Variants in CNTNAP2 observed in about 807,000 individuals in gnomAD.
CNTNAP2 encodes the protein contactin associated protein 2.
CNTNAP2 carries 98 observed loss-of-function variants against 155.2 expected under a neutral mutation model. The ratio of observed to expected loss-of-function variants is 0.63; its 90% CI spans 0.54 to 0.75. The LOEUF is 0.75. Among genes scored for constraint, CNTNAP2 ranks in the 30% least tolerant of loss-of-function variants. CNTNAP2 has a pLI of 0.00. For synonymous variants in CNTNAP2, 651 were observed against 631.2 expected, an observed-to-expected ratio of 1.03 and a Z score of -0.47; for missense variants, 1,727 against 1,688.1, an observed-to-expected ratio of 1.02 and a Z score of -0.40.
chr7:146,163,571 ATCTATCTATC>A (rs1277858347), intron 1 of CNTNAP2, among the ~76,000 whole-genome samples: 1 of 98,968 alleles, frequency 1.0e-5, no homozygotes, highest in African/African-American at 4.3e-5. Flanking sequence ...ATCTATCTAT[ATCTATCTATC>A]TATCTATATA....
chr7:146,405,277 C>T (rs1795774562), intron 1 of CNTNAP2, among the ~76,000 whole-genome samples: 1 of 152,108 alleles, frequency 6.6e-6, no homozygotes, highest in South Asian at 2.1e-4. Flanking sequence ...TGACTTGGGT[C>T]TCTCTCACTG....
intron 3 of CNTNAP2, among the ~76,000 whole-genome samples, chr7:147,041,373 A>T (rs368686376): frequency 9.9e-5 from 15 of 152,166 alleles, no homozygotes; most frequent in African/African-American, 3.1e-4. Flanking sequence ...GGAAAGGAAA[A>T]GTATTTTTTT....
intron 10 of CNTNAP2, among the ~76,000 whole-genome samples, chr7:147,441,847 CTCT>C (rs1797644275): frequency 2.1e-5 from 3 of 141,838 alleles, no homozygotes; most frequent in South Asian, 2.3e-4. Flanking sequence ...CTCTCTCTCT[CTCT>C]CCCTCCCTCC....
intron 11 of CNTNAP2, among the ~76,000 whole-genome samples, chr7:147,495,654 G>A (rs745506802): frequency 6.6e-6 from 1 of 152,236 alleles, no homozygotes. Context: ...GCAGGGTGCA[G>A]ATTTGAATCA....
chr7:146,277,944 A>C (rs1027700965), intron 1 of CNTNAP2, among the ~76,000 whole-genome samples: 2 of 152,164 alleles, frequency 1.3e-5, no homozygotes, highest in African/African-American at 2.4e-5. Flanking sequence ...AAATAAAAAG[A>C]AAACTGAAAG....
intron 21 of CNTNAP2, among the ~76,000 whole-genome samples, chr7:148,277,281 T>TG (rs1441416782): frequency 3.3e-5 from 5 of 152,094 alleles, no homozygotes; most frequent in African/African-American, 1.2e-4. Flanking sequence ...CTTAAATCTG[T>TG]GGTTGATGAA....
chr7:146,981,191 T>A (rs1798010599), intron 3 of CNTNAP2, among the ~76,000 whole-genome samples: 1 of 152,248 alleles, frequency 6.6e-6, no homozygotes, highest in Middle Eastern at 3.4e-3. Flanking sequence ...TATTGATTGA[T>A]CTCCTAAAAA....
At chr7:148,226,439 A>G (rs1207483015) in intron 19 of CNTNAP2, among the ~76,000 whole-genome samples, 1 of 152,030 alleles carries the variant, frequency 6.6e-6, no homozygotes, top group Non-Finnish European at 1.5e-5. Flanking sequence ...TCTCTCTCTA[A>G]AATGATAATT....
At chr7:147,530,964 C>G (rs551124425) in intron 11 of CNTNAP2, among the ~76,000 whole-genome samples, 7 of 152,000 alleles carry the variant, frequency 4.6e-5, no homozygotes, top group African/African-American at 1.7e-4. Flanking sequence ...AGAAATTGGC[C>G]GAAACAAAGG....
At chr7:146,390,305 A>G (rs1795521779) in intron 1 of CNTNAP2, among the ~76,000 whole-genome samples, 1 of 152,094 alleles carries the variant, frequency 6.6e-6, no homozygotes. Flanking sequence ...AAATAGTACA[A>G]GGCATTAGAA....
In CNTNAP2 at chr7:147,815,214, C is replaced by G. The variant is rs1210373318; in HGVS notation, c.2099-88351C>G. 3.3e-5 allele frequency among the ~76,000 whole-genome samples: 5 copies of G among 152,270 alleles called. No homozygotes were observed. The East Asian group carries it at 9.6e-4, about 29-fold the overall frequency. ...AATTAGCACAAGCTTAGTGACTTAA[C>G]CCAAACTTATTATCTCACACAATTC... is the stretch of plus-strand genomic sequence containing the variant. On this transcript the variant is annotated intron_variant, in intron 13 of 23. Coordinates refer to ENST00000361727, the MANE Select transcript of CNTNAP2 (RefSeq NM_014141.6).
chr7:147,348,842 G>A (rs1054409309), intron 9 of CNTNAP2, among the ~76,000 whole-genome samples: 1 of 151,914 alleles, frequency 6.6e-6, no homozygotes, highest in African/African-American at 2.4e-5. Context: ...ATCATTTGTG[G>A]CAAGATGTAT....
chr7:146,488,313 C>T (rs1236532940), intron 1 of CNTNAP2, among the ~76,000 whole-genome samples: 1 of 135,084 alleles, frequency 7.4e-6, no homozygotes, highest in Non-Finnish European at 1.7e-5. Context: ...TCCTCCCTCC[C>T]TTCCTTCCTT....
At chr7:146,682,631 C>T (rs1013746719) in intron 1 of CNTNAP2, among the ~76,000 whole-genome samples, 4 of 152,060 alleles carry the variant, frequency 2.6e-5, no homozygotes, top group Non-Finnish European at 4.4e-5. Flanking sequence ...CACAGAAAAA[C>T]ATCAAGCAAA....
At chr7:147,989,102 C>T (rs1005559549) in intron 15 of CNTNAP2, among the ~76,000 whole-genome samples, 2 of 152,218 alleles carry the variant, frequency 1.3e-5, no homozygotes, top group African/African-American at 4.8e-5. Context: ...GCTTTACAAA[C>T]ATTAATGTAC....
At chr7:148,362,316 CAT>C (rs1333197332) in intron 21 of CNTNAP2, among the ~76,000 whole-genome samples, 1 of 152,196 alleles carries the variant, frequency 6.6e-6, no homozygotes, top group Non-Finnish European at 1.5e-5. Context: ...CCTCCCTTGA[CAT>C]GTGGGGATTA....
intron 1 of CNTNAP2, among the ~76,000 whole-genome samples, chr7:146,645,606 G>A (rs992075351): frequency 1.3e-5 from 2 of 152,156 alleles, no homozygotes; most frequent in Non-Finnish European, 2.9e-5. Flanking sequence ...GGCATCTAAT[G>A]ACTGCATAAC....
chr7:146,739,288 T>A (rs571449118), intron 1 of CNTNAP2, among the ~76,000 whole-genome samples: 16 of 152,120 alleles, frequency 1.1e-4, no homozygotes, highest in African/African-American at 3.6e-4. Context: ...CTTCTTAGAA[T>A]GGATAAAGTA....
intron 1 of CNTNAP2, among the ~76,000 whole-genome samples, chr7:146,124,628 G>A (rs571478652): frequency 7.2e-5 from 11 of 152,164 alleles, no homozygotes; most frequent in South Asian, 2.1e-4. Context: ...AAATTGTTAC[G>A]TAGCATATTT....
Sources: allele counts gnomAD v4.1 joint callset (sites outside exome capture counted in the v4.1 genomes callset), GRCh38; gene constraint gnomAD v4.1.1; transcripts MANE v1.5; gene names NCBI Gene and HGNC (gene_info 2026-07-23, HGNC 2026-07-21).